TFEC: variants seen among roughly 807,000 people sequenced by gnomAD.
TFEC encodes the protein class E basic helix-loop-helix protein 34.
A neutral mutation model predicts 41.6 loss-of-function variants in TFEC; 31 were observed. That is an observed-to-expected ratio of 0.74 (90% CI 0.56 to 1.01). TFEC has a LOEUF of 1.01. Ranked by LOEUF, TFEC falls within the 50% of genes least tolerant of loss-of-function variation. The probability of loss-of-function intolerance (pLI) is 0.00; values close to 1 mark genes in which losing one functional copy is unlikely to be tolerated. For synonymous variants in TFEC, 143 were observed against 140.6 expected, an observed-to-expected ratio of 1.02 and a Z score of -0.12; for missense variants, 402 against 404.1, an observed-to-expected ratio of 0.99 and a Z score of 0.04.
chr7:116,119,726 T>C (rs994972895), intron 1 of TFEC, among the ~76,000 whole-genome samples: 4 of 151,828 alleles, frequency 2.6e-5, no homozygotes, highest in Non-Finnish European at 5.9e-5. Flanking sequence ...TTACATTTTA[T>C]TTACCAAAAT....
chr7:116,068,562 AAC>A (rs1011646603), intron 3 of TFEC, among the ~76,000 whole-genome samples: 6 of 151,718 alleles, frequency 4.0e-5, no homozygotes, highest in Non-Finnish European at 8.9e-5. Context: ...ATATTTTTTC[AAC>A]AGTTTGAAGA....
chr7:116,033,133 C>A (rs1029713920), upstream of TFEC, among the ~76,000 whole-genome samples: 11 of 147,750 alleles, frequency 7.4e-5, no homozygotes, highest in Non-Finnish European at 1.4e-4. Flanking sequence ...CATGATTCAT[C>A]AAAAAAAAAA....
chr7:115,962,498 G>C (rs1232992592), intron 3 of TFEC, among the ~76,000 whole-genome samples: 1 of 151,634 alleles, frequency 6.6e-6, no homozygotes. Context: ...AAGATATATA[G>C]ACCTAGGGAG....
rs112673173 is a variant in TFEC, at chr7:116,060,486, G to A, written c.198+50222C>T. On this transcript the variant is annotated intron_variant, in intron 3 of 8. Coordinates refer to the TFEC transcript ENST00000484212. ...CTAAATGCCCATCAATGACAGGTGG[G>A]ATTAAAAAATGTGGTACATATACAC... is the stretch of plus-strand genomic sequence containing the variant. Among the ~76,000 whole-genome samples, 596 of 152,160 alleles carry A rather than the reference G, an allele frequency of 3.9e-3. 3 individuals are homozygous for A. Among genetic ancestry groups the A allele is most frequent in the Non-Finnish European group, 5.5e-3 (376 of 67,938 alleles).
intron 1 of TFEC, among the ~76,000 whole-genome samples, chr7:116,008,480 T>C (rs1339259180): frequency 6.6e-6 from 1 of 152,222 alleles, no homozygotes; most frequent in Admixed American, 6.6e-5. Flanking sequence ...TTGAATTTAA[T>C]AAATGAACTA....
intron 3 of TFEC, among the ~76,000 whole-genome samples, chr7:116,053,262 G>A (rs1038833316): frequency 2.6e-5 from 4 of 152,116 alleles, no homozygotes; most frequent in African/African-American, 7.2e-5. Context: ...CAGTAAGGAC[G>A]AATTTGAGGT....
intron 3 of TFEC, among the ~76,000 whole-genome samples, chr7:116,048,805 GAA>G (rs1408280746): frequency 2.6e-5 from 4 of 152,222 alleles, no homozygotes; most frequent in Non-Finnish European, 5.9e-5. Context: ...CTACAAGCCA[GAA>G]GAGAGTGGGG....
In TFEC at chr7:115,939,425, A is replaced by T. The variant is rs990438850; in HGVS notation, c.*1126T>A. ...ACAGTGCAACCAAAGATCATAGGACACTCTAAGTGTTTATAGAAATAGAAC... is the reference window on the plus strand; with the variant it reads ...ACAGTGCAACCAAAGATCATAGGACTCTCTAAGTGTTTATAGAAATAGAAC... On this transcript the variant is annotated 3_prime_UTR_variant, in exon 8 of 8. Transcript: ENST00000265440. 1 of 152,020 alleles carries T rather than the reference A, an allele frequency of 6.6e-6. No homozygotes were observed. The highest frequency in any genetic ancestry group is 1.5e-5 in the Non-Finnish European group (1 of 67,952). The allele number at this position is 152,020 out of a possible 1,614,324, so 9.4% of individuals were successfully genotyped here. A position where few individuals can be genotyped will look rare whatever the true frequency, so the allele number is the denominator to read the frequency against.
intron 1 of TFEC, among the ~76,000 whole-genome samples, chr7:116,120,815 ACT>A: frequency 6.6e-6 from 1 of 152,090 alleles, no homozygotes; most frequent in Non-Finnish European, 1.5e-5. Context: ...TTATATCTTC[ACT>A]ATCTAAATAA....
chr7:116,018,915 G>C (rs564149984), intron 1 of TFEC, among the ~76,000 whole-genome samples: 23 of 152,336 alleles, frequency 1.5e-4, no homozygotes, highest in African/African-American at 5.3e-4. Flanking sequence ...CCTGGAGGCT[G>C]AGCTGATAGG....
chr7:116,075,107 A>G (rs910829807), intron 3 of TFEC, among the ~76,000 whole-genome samples: 2 of 152,218 alleles, frequency 1.3e-5, no homozygotes, highest in African/African-American at 4.8e-5. Context: ...AAAATGTTCT[A>G]AAGTTAGATT....
chr7:116,107,923 A>G (rs1584525509), intron 3 of TFEC, among the ~76,000 whole-genome samples: 1 of 152,216 alleles, frequency 6.6e-6, no homozygotes, highest in East Asian at 1.9e-4. Flanking sequence ...TAAAGTGATT[A>G]GCATGATGCT....
intron 1 of TFEC, among the ~76,000 whole-genome samples, chr7:115,996,519 G>A (rs1464619037): frequency 6.6e-6 from 1 of 151,836 alleles, no homozygotes; most frequent in Non-Finnish European, 1.5e-5. Context: ...TGGTGGGTTT[G>A]GGGAGAGACT....
At chr7:116,048,911 C>A (rs1329019561) in intron 3 of TFEC, among the ~76,000 whole-genome samples, 2 of 152,106 alleles carry the variant, frequency 1.3e-5, no homozygotes, top group Non-Finnish European at 2.9e-5. Flanking sequence ...AAATAAAATC[C>A]TTTACAGACA....
intron 6 of TFEC, among the ~76,000 whole-genome samples, chr7:115,950,194 T>C (rs1489702619): frequency 2.6e-5 from 4 of 152,070 alleles, no homozygotes; most frequent in Admixed American, 6.6e-5. Context: ...GTATTTTTAA[T>C]AGAGACAGAG....
chr7:116,044,421 A>G lies in TFEC; in HGVS notation c.199-59908T>C, dbSNP rs184793574. ...TAAGAAAGTATTACATGCTTTGAACATAACACTTAATTGTTTGAAATATTA... is the reference window on the plus strand; with the variant it reads ...TAAGAAAGTATTACATGCTTTGAACGTAACACTTAATTGTTTGAAATATTA... On this transcript the variant is annotated intron_variant, in intron 3 of 8. Coordinates refer to the TFEC transcript ENST00000484212. 4.0e-3 allele frequency among the ~76,000 whole-genome samples: 617 copies of G among 152,362 alleles called. 5 individuals are homozygous for G. The highest frequency in any genetic ancestry group is 0.014 in the African/African-American group (579 of 41,586).
At chr7:116,008,510 T>A (rs1794885554) in intron 1 of TFEC, among the ~76,000 whole-genome samples, 1 of 152,144 alleles carries the variant, frequency 6.6e-6, no homozygotes, top group South Asian at 2.1e-4. Context: ...GCTTCACAAG[T>A]GAATAATAGG....
rs79826869 is a variant in TFEC, at chr7:116,119,899, T to A, written c.-68-7861A>T. Among the ~76,000 whole-genome samples, 18 of 151,504 alleles carry A rather than the reference T, an allele frequency of 1.2e-4. No individual in the cohort carries two copies. In the East Asian group the frequency reaches 3.1e-3, roughly 26 times the overall value. On this transcript the variant is annotated intron_variant, in intron 1 of 8. Coordinates refer to the TFEC transcript ENST00000484212. ...GAATTTCTAAATATAGCTTGATACA[T>A]CCATATAAAGTCATGGTTCAGAATA...
At chr7:116,109,097 T>C (rs1797788399) in intron 3 of TFEC, among the ~76,000 whole-genome samples, 1 of 151,890 alleles carries the variant, frequency 6.6e-6, no homozygotes, top group Non-Finnish European at 1.5e-5. Context: ...GACTTAAATG[T>C]TAGACCTAAA....
Sources: allele counts gnomAD v4.1 joint callset (sites outside exome capture counted in the v4.1 genomes callset), GRCh38; gene constraint gnomAD v4.1.1; transcripts MANE v1.5; gene names NCBI Gene and HGNC (gene_info 2026-07-23, HGNC 2026-07-21).